DCC: variants seen among roughly 807,000 people sequenced by gnomAD.
DCC encodes the protein netrin receptor DCC.
DCC carries 58 observed loss-of-function variants against 172.5 expected under a neutral mutation model. That is an observed-to-expected ratio of 0.34 (90% CI 0.27 to 0.42). DCC has a LOEUF of 0.42. Ranked by LOEUF, DCC falls within the 10% of genes least tolerant of loss-of-function variation. The pLI, the probability that DCC is intolerant of heterozygous loss-of-function variation, is 1.00. For missense variants in DCC, 1,740 were observed against 1,791.0 expected (o/e 0.97, Z 0.51); for synonymous variants, 709 against 644.5 (o/e 1.10, Z -1.52).
At chr18:52,752,627 C>T (rs1377750954) in intron 2 of DCC, among the ~76,000 whole-genome samples, 2 of 152,100 alleles carry the variant, frequency 1.3e-5, no homozygotes, top group Non-Finnish European at 2.9e-5. Flanking sequence ...GTGGTGAGAA[C>T]ATTTAAAATC....
In DCC at chr18:52,874,320, C is replaced by T. The variant is rs538350843; in HGVS notation, c.413-31724C>T. Among the ~76,000 whole-genome samples the T allele has an allele frequency of 2.8e-4, 43 of 152,194 alleles. 1 individual carries two copies. Among genetic ancestry groups the T allele is most frequent in the Middle Eastern group, 3.4e-3 (1 of 294 alleles). Reference sequence around the variant, plus strand: ...AAAAACATTATAAAGACCAATTTAACTTATTTAAAATGATTTTCGAAATGG... The same window carrying T: ...AAAAACATTATAAAGACCAATTTAATTTATTTAAAATGATTTTCGAAATGG... On this transcript the variant is annotated intron_variant, in intron 2 of 28. Transcript: ENST00000442544.
chr18:53,277,142 C>A (rs969941047), intron 12 of DCC, among the ~76,000 whole-genome samples: 1 of 152,048 alleles, frequency 6.6e-6, no homozygotes, highest in South Asian at 2.1e-4. Context: ...ATTTTAATTT[C>A]TCTAAGATTA....
At chr18:53,187,242 C>G (rs990013483) in intron 9 of DCC, among the ~76,000 whole-genome samples, 1 of 151,674 alleles carries the variant, frequency 6.6e-6, no homozygotes, top group Non-Finnish European at 1.5e-5. Context: ...CCTGCCTCAA[C>G]GTCCCAAGTG....
chr18:52,688,903 T>G (rs1336915796), intron 1 of DCC, among the ~76,000 whole-genome samples: 8 of 152,090 alleles, frequency 5.3e-5, no homozygotes, highest in Non-Finnish European at 8.8e-5. Flanking sequence ...CAACAGTAAC[T>G]TATTAATATT....
chr18:53,141,257 A>T (rs138225641), intron 7 of DCC, among the ~76,000 whole-genome samples: 41 of 152,322 alleles, frequency 2.7e-4, no homozygotes, highest in African/African-American at 8.7e-4. Flanking sequence ...AATGATTTGA[A>T]TATAGGGAAT....
At chr18:53,203,528 A>G (rs928632518) in intron 9 of DCC, among the ~76,000 whole-genome samples, 21 of 152,194 alleles carry the variant, frequency 1.4e-4, no homozygotes, top group African/African-American at 4.8e-4. Context: ...TGCCATGAAT[A>G]GAAATATTTT....
chr18:53,334,836 T>C (rs879414124), intron 14 of DCC, among the ~76,000 whole-genome samples: 1 of 152,212 alleles, frequency 6.6e-6, no homozygotes, highest in African/African-American at 2.4e-5. Context: ...CATTTATACA[T>C]TGGTGGAAAC....
At chr18:52,469,751 C>T (rs995828771) in intron 1 of DCC, among the ~76,000 whole-genome samples, 3 of 152,268 alleles carry the variant, frequency 2.0e-5, no homozygotes. Flanking sequence ...CAGTAAGTAT[C>T]TCTCTTTGTT....
chr18:52,909,323 G>A (rs1317559632), intron 3 of DCC, among the ~76,000 whole-genome samples: 3 of 152,236 alleles, frequency 2.0e-5, no homozygotes, highest in East Asian at 1.9e-4. Flanking sequence ...ATTCAACATG[G>A]TACCAGAATG....
intron 5 of DCC, among the ~76,000 whole-genome samples, chr18:53,012,188 A>G (rs924854971): frequency 2.0e-5 from 3 of 152,002 alleles, no homozygotes; most frequent in African/African-American, 7.2e-5. Context: ...ACTTCTAGGT[A>G]TATATCCTAG....
At chr18:53,185,258 T>C (rs983819670) in intron 9 of DCC, among the ~76,000 whole-genome samples, 1 of 152,308 alleles carries the variant, frequency 6.6e-6, no homozygotes, top group African/African-American at 2.4e-5. Flanking sequence ...ATGATGTCTT[T>C]GATAATGACA....
intron 25 of DCC, among the ~76,000 whole-genome samples, chr18:53,485,789 T>C (rs975020821): frequency 6.6e-6 from 1 of 152,084 alleles, no homozygotes; most frequent in Non-Finnish European, 1.5e-5. Context: ...AGTTACAATA[T>C]GCAGTGTAAT....
chr18:52,716,425 A>G (rs1469378297), intron 1 of DCC, among the ~76,000 whole-genome samples: 1 of 152,182 alleles, frequency 6.6e-6, no homozygotes, highest in Non-Finnish European at 1.5e-5. Context: ...CAGGGGAGGA[A>G]GCTCTTGAAG....
At chr18:53,170,612 T>C (rs2054998643) in intron 8 of DCC, among the ~76,000 whole-genome samples, 1 of 152,218 alleles carries the variant, frequency 6.6e-6, no homozygotes, top group South Asian at 2.1e-4. Context: ...TATTTTGTTA[T>C]TATAAAATAA....
chr18:52,953,260 C>T (rs1311948670), intron 5 of DCC, among the ~76,000 whole-genome samples: 2 of 152,162 alleles, frequency 1.3e-5, no homozygotes, highest in Non-Finnish European at 2.9e-5. Flanking sequence ...GCTTAGATAA[C>T]AAGTCTTACC....
chr18:52,718,227 T>TAA (rs5824955), intron 1 of DCC, among the ~76,000 whole-genome samples: 9 of 152,060 alleles, frequency 5.9e-5, no homozygotes, highest in Non-Finnish European at 1.2e-4. Flanking sequence ...AAGAAGGTGC[T>TAA]AAAAAAATTA....
rs1027521805 is a variant in DCC, at chr18:52,678,580, T to G, written c.92-73474T>G. Among the ~76,000 whole-genome samples, 3 of 152,100 alleles carry G rather than the reference T, an allele frequency of 2.0e-5. No individual in the cohort carries two copies. The East Asian group carries it at 5.8e-4, about 29-fold the overall frequency. ...TCGACATGTAAGAAGCTTAAAAAAG[T>G]AAATTACTGTCCTTTTTAAAAAATG... On this transcript the variant is annotated intron_variant, in intron 1 of 28. Transcript: ENST00000442544.
chr18:52,988,917 G>GT (rs1402528723), intron 5 of DCC, among the ~76,000 whole-genome samples: 12 of 151,164 alleles, frequency 7.9e-5, no homozygotes, highest in Admixed American at 7.9e-4. Flanking sequence ...TTTTTACATG[G>GT]TATTATTTTG....
chr18:53,111,070 TA>T (rs2043323031), intron 7 of DCC, among the ~76,000 whole-genome samples: 2 of 147,086 alleles, frequency 1.4e-5, no homozygotes, highest in African/African-American at 5.0e-5. Flanking sequence ...TATGCAGCCA[TA>T]AAAAATGATG....
Sources: allele counts gnomAD v4.1 joint callset (sites outside exome capture counted in the v4.1 genomes callset), GRCh38; gene constraint gnomAD v4.1.1; transcripts MANE v1.5; gene names NCBI Gene and HGNC (gene_info 2026-07-23, HGNC 2026-07-21).